The following SMPD3 variants were observed in gnomAD, a reference collection of about 807,000 sequenced individuals.
SMPD3 encodes the protein nSMase-2.
Under a neutral mutation model 55.7 loss-of-function variants are expected in SMPD3, and 21 were observed. The ratio of observed to expected loss-of-function variants is 0.38; its 90% CI spans 0.27 to 0.54. The LOEUF (loss-of-function observed/expected upper bound fraction) is 0.54, where lower values mean the gene tolerates loss of function less well. Among genes scored for constraint, SMPD3 ranks in the 20% least tolerant of loss-of-function variants. The pLI is 0.80. For missense variants in SMPD3, 842 were observed against 899.6 expected (o/e 0.94, Z 0.82); for synonymous variants, 457 against 404.3 (o/e 1.13, Z -1.56).
At chr16:68,426,236 A>G (rs921768940) in intron 1 of SMPD3, among the ~76,000 whole-genome samples, 3 of 152,248 alleles carry the variant, frequency 2.0e-5, no homozygotes, top group African/African-American at 7.2e-5. Context: ...CTTAATGTAG[A>G]ACCAAGCCCC....
At chr16:68,437,927 G>A (rs985605479) in intron 1 of SMPD3, among the ~76,000 whole-genome samples, 1 of 152,182 alleles carries the variant, frequency 6.6e-6, no homozygotes, top group African/African-American at 2.4e-5. Flanking sequence ...ATGAATTCAA[G>A]ATGGCAGGTC....
chr16:68,418,361 T>C (rs1449310200), intron 1 of SMPD3, among the ~76,000 whole-genome samples: 1 of 136,448 alleles, frequency 7.3e-6, no homozygotes, highest in Non-Finnish European at 1.6e-5. Flanking sequence ...GAAGCCTTCA[T>C]AAAATGAAAA....
intron 2 of SMPD3, among the ~76,000 whole-genome samples, chr16:68,377,725 C>T (rs1169344897): frequency 1.3e-5 from 2 of 152,250 alleles, no homozygotes; most frequent in Admixed American, 6.5e-5. Context: ...AGCACCAAGA[C>T]AGTCATCCCA....
intron 1 of SMPD3, among the ~76,000 whole-genome samples, chr16:68,416,627 A>G (rs895609068): frequency 6.6e-6 from 1 of 152,230 alleles, no homozygotes; most frequent in Non-Finnish European, 1.5e-5. Context: ...AGGAAGTAAC[A>G]ATACTGCTAA....
At chr16:68,385,560 T>C (rs1473694614) in intron 2 of SMPD3, among the ~76,000 whole-genome samples, 1 of 152,092 alleles carries the variant, frequency 6.6e-6, no homozygotes, top group Admixed American at 6.5e-5. Flanking sequence ...TTTTCTTCCA[T>C]CCAGTCACCA....
chr16:68,416,731 T>A (rs1000472237), intron 1 of SMPD3, among the ~76,000 whole-genome samples: 1 of 152,098 alleles, frequency 6.6e-6, no homozygotes, highest in East Asian at 1.9e-4. Flanking sequence ...AGGCTGAAGT[T>A]GTTGTCACCC....
At chr16:68,444,619 T>C (rs2090596112) in intron 1 of SMPD3, among the ~76,000 whole-genome samples, 1 of 152,228 alleles carries the variant, frequency 6.6e-6, no homozygotes, top group Admixed American at 6.5e-5. Flanking sequence ...GGATTAAACA[T>C]TCTTGATTAA....
At chr16:68,369,053 A>G (rs2089574525) in intron 3 of SMPD3, 1 of 152,100 alleles carries the variant, frequency 6.6e-6, no homozygotes, top group Non-Finnish European at 1.5e-5. Flanking sequence ...CTCCGTCTCT[A>G]CTAAAAATAA....
intron 1 of SMPD3, among the ~76,000 whole-genome samples, chr16:68,435,048 G>T (rs2090511478): frequency 6.6e-6 from 1 of 152,212 alleles, no homozygotes; most frequent in Non-Finnish European, 1.5e-5. Context: ...TGGTGGGTGG[G>T]AGGCGTGGCA....
At chr16:68,419,583 C>G (rs1385435337) in intron 1 of SMPD3, among the ~76,000 whole-genome samples, 1 of 152,190 alleles carries the variant, frequency 6.6e-6, no homozygotes, top group Admixed American at 6.5e-5. Context: ...CCTTGCATCT[C>G]CAGAGTTTTG....
rs1282230916 is a variant in SMPD3 at position 68,371,708 on chromosome 16, G to T, written c.474C>A (p.Ile158=). 6.3e-7 allele frequency: 1 copy of T among 1,586,168 alleles called. No homozygotes were observed. Among genetic ancestry groups the T allele is most frequent in the Non-Finnish European group, 8.6e-7 (1 of 1,165,244 alleles). The part of the protein sequence containing the change: ...QARAKEIGQR[I]RNGAARPQIK... ...TCTGGGGCCGGGCGGCCCCATTGCG[G>T]ATTCTCTGCCCGATCTCCTTGGCCC... Residue 158 remains isoleucine, a synonymous_variant, in exon 3 of 9, where the codon ATC becomes ATA. Coordinates refer to ENST00000219334, the MANE Select transcript of SMPD3 (RefSeq NM_018667.4).
intron 1 of SMPD3, among the ~76,000 whole-genome samples, chr16:68,418,815 A>G (rs2090361047): frequency 2.0e-5 from 3 of 152,204 alleles, no homozygotes; most frequent in Admixed American, 2.0e-4. Flanking sequence ...GGCCTGAACC[A>G]TAGTCTTGAG....
intron 8 of SMPD3, 75 bp from the exon 9 acceptor site, chr16:68,361,382 C>A: frequency 6.7e-7 from 1 of 1,498,358 alleles, no homozygotes. Flanking sequence ...GCCTGGGGAT[C>A]CCCAAAGTGA....
At chr16:68,385,600 C>T (rs2090039768) in intron 2 of SMPD3, among the ~76,000 whole-genome samples, 1 of 152,170 alleles carries the variant, frequency 6.6e-6, no homozygotes, top group South Asian at 2.1e-4. Context: ...CTCCCTGCCC[C>T]CAGCCTGGTG....
intron 2 of SMPD3, among the ~76,000 whole-genome samples, chr16:68,374,991 G>C (rs2089773473): frequency 6.6e-6 from 1 of 152,188 alleles, no homozygotes; most frequent in Non-Finnish European, 1.5e-5. Flanking sequence ...GATTCTTGGG[G>C]CCACCTGGAC....
At position 68,359,672 on chromosome 16, in the gene SMPD3, G is replaced by T. The variant is rs557265293; in HGVS notation, c.*1534C>A. On this transcript the variant is annotated 3_prime_UTR_variant, in exon 9 of 9. Transcript: ENST00000219334. ...CCCTCCAGCCTCACCAGGCAAAGCC[G>T]GCCCTGGGCCAGGCTGGGTGTAGGG... 1.3e-5 allele frequency: 2 copies of T among 152,698 alleles called. No homozygotes were observed. The highest frequency in any genetic ancestry group is 1.3e-4 in the Admixed American group (2 of 15,294). 9.5% of individuals were successfully genotyped at this position (152,698 alleles called of 1,614,324 possible).
chr16:68,412,625 G>T (rs1269561211), intron 1 of SMPD3, among the ~76,000 whole-genome samples: 1 of 152,122 alleles, frequency 6.6e-6, no homozygotes, highest in Non-Finnish European at 1.5e-5. Flanking sequence ...CAATTACAAA[G>T]AAAATCAAGC....
At chr16:68,393,160 T>C (rs910880535) in intron 1 of SMPD3, among the ~76,000 whole-genome samples, 5 of 152,132 alleles carry the variant, frequency 3.3e-5, no homozygotes, top group Non-Finnish European at 7.4e-5. Context: ...ATCCCAGAAC[T>C]TTGGGAGGCC....
At chr16:68,434,937 T>G (rs921745935) in intron 1 of SMPD3, among the ~76,000 whole-genome samples, 13 of 152,298 alleles carry the variant, frequency 8.5e-5, no homozygotes, top group Admixed American at 3.9e-4. Context: ...GAGTCCTGCA[T>G]GCCTGGAGCA....
Sources: allele counts gnomAD v4.1 joint callset (sites outside exome capture counted in the v4.1 genomes callset), GRCh38; gene constraint gnomAD v4.1.1; transcripts MANE v1.5; gene names NCBI Gene and HGNC (gene_info 2026-07-23, HGNC 2026-07-21).